Variants in PHC2 observed in about 807,000 individuals in gnomAD.
The protein encoded by PHC2 is polyhomeotic-like protein 2.
A neutral mutation model predicts 87.4 loss-of-function variants in PHC2; 29 were observed. The observed-to-expected ratio is 0.33, with a 90% CI of 0.25 to 0.45. The LOEUF is 0.45. Among genes scored for constraint, PHC2 ranks in the 20% least tolerant of loss-of-function variants. The pLI is 1.00. For missense variants in PHC2, 857 were observed against 1,136.7 expected (o/e 0.75, Z 3.54); for synonymous variants, 438 against 461.7 (o/e 0.95, Z 0.66).
chr1:33,339,843 C>G (rs1646709952), intron 9 of PHC2, among the ~76,000 whole-genome samples: 2 of 152,224 alleles, frequency 1.3e-5, no homozygotes, highest in Non-Finnish European at 2.9e-5. Flanking sequence ...ATTATACTTA[C>G]TGGTTGAGCA....
chr1:33,327,860 A>C (rs1014625148), intron 14 of PHC2, among the ~76,000 whole-genome samples: 1 of 152,260 alleles, frequency 6.6e-6, no homozygotes, highest in Non-Finnish European at 1.5e-5. Flanking sequence ...GCCTTGGCTG[A>C]TAAATCTTAA....
chr1:33,393,726 ACT>A (rs1491448946), intron 1 of PHC2, among the ~76,000 whole-genome samples: 2 of 152,252 alleles, frequency 1.3e-5, no homozygotes, highest in African/African-American at 4.8e-5. Flanking sequence ...GCAAGAATAA[ACT>A]CTACCCAGCA....
intron 9 of PHC2, among the ~76,000 whole-genome samples, chr1:33,351,034 A>G (rs573007215): frequency 1.3e-3 from 192 of 152,256 alleles, no homozygotes; most frequent in Middle Eastern, 6.8e-3. Flanking sequence ...GGTCCTACCT[A>G]TCCTTCAAGG....
chr1:33,339,601 G>A (rs1360606178), intron 9 of PHC2, among the ~76,000 whole-genome samples: 2 of 152,158 alleles, frequency 1.3e-5, no homozygotes. Flanking sequence ...AGGCAGGGAG[G>A]CTCCTAGGAC....
chr1:33,373,600 C>A (rs949718582), intron 2 of PHC2, among the ~76,000 whole-genome samples: 2 of 152,178 alleles, frequency 1.3e-5, no homozygotes, highest in Admixed American at 6.5e-5. Flanking sequence ...CAGCGAGTGC[C>A]TTTCCCCAGC....
chr1:33,350,849 T>C (rs1252476627), intron 9 of PHC2, among the ~76,000 whole-genome samples: 2 of 152,062 alleles, frequency 1.3e-5, no homozygotes, highest in Non-Finnish European at 2.9e-5. Context: ...AATATTCATA[T>C]TTCCTTCTCC....
At chr1:33,346,595 C>T (rs766707743) in intron 9 of PHC2, 4 of 985,264 alleles carry the variant, frequency 4.1e-6, no homozygotes, top group Non-Finnish European at 4.8e-6. Context: ...TGGTAAACAC[C>T]GTACTAATGA....
chr1:33,328,868 A>AC lies in PHC2; in HGVS notation c.2425+1dup. ...GAGACATGGAATTTCCAAGGGCCTT[A>AC]CCTGGCAGAGAGCGGATGAATTCGT... On this transcript the variant is annotated splice_donor_variant, in intron 14 of 14. Transcript: ENST00000683057. LOFTEE classifies it high-confidence loss of function. 1 of 1,602,270 alleles carries AC rather than the reference A, an allele frequency of 6.2e-7. No individual in the cohort carries two copies. The highest frequency in any genetic ancestry group is 8.5e-7 in the Non-Finnish European group (1 of 1,170,514).
chr1:33,336,391 C>T (rs909760589), intron 9 of PHC2, among the ~76,000 whole-genome samples: 1 of 152,158 alleles, frequency 6.6e-6, no homozygotes, highest in Non-Finnish European at 1.5e-5. Context: ...ACTCAGTCCT[C>T]CATAATTCAG....
chr1:33,402,024 C>G (rs1249761994), intron 1 of PHC2, among the ~76,000 whole-genome samples: 4 of 152,044 alleles, frequency 2.6e-5, no homozygotes, highest in African/African-American at 7.2e-5. Flanking sequence ...GGCATAATAA[C>G]AAGCCTTACA....
intron 1 of PHC2, among the ~76,000 whole-genome samples, chr1:33,390,423 G>A (rs527358745): frequency 6.6e-6 from 1 of 152,116 alleles, no homozygotes; most frequent in South Asian, 2.1e-4. Flanking sequence ...TCTACTTAAG[G>A]TGGAGAAAAA....
chr1:33,384,627 C>G (rs953083964), intron 1 of PHC2, among the ~76,000 whole-genome samples: 4 of 152,164 alleles, frequency 2.6e-5, no homozygotes, highest in African/African-American at 9.7e-5. Context: ...TTCCCTCTGC[C>G]TGGGCCACTC....
chr1:33,347,641 G>A (rs1004398195), intron 9 of PHC2: 14 of 985,342 alleles, frequency 1.4e-5, no homozygotes, highest in Non-Finnish European at 1.6e-5. Context: ...AAGTACAACA[G>A]AAAGGACTAA....
chr1:33,393,268 G>T (rs1451441695), intron 1 of PHC2, among the ~76,000 whole-genome samples: 2 of 152,122 alleles, frequency 1.3e-5, no homozygotes, highest in African/African-American at 4.8e-5. Flanking sequence ...TGTCTGGGAG[G>T]ATGCGATAGA....
At chr1:33,388,472 C>T (rs1255934879) in intron 1 of PHC2, among the ~76,000 whole-genome samples, 3 of 151,920 alleles carry the variant, frequency 2.0e-5, no homozygotes, top group South Asian at 2.1e-4. Context: ...TACAGGCATG[C>T]GCCACCACGC....
Position 33,369,540 on chromosome 1 carries a change from G to A in PHC2, c.576+881C>T, listed in dbSNP as rs1010069753. ...TCTATTTCATGCCTTGTGTCTAAGA[G>A]GCTGTTCCCTGGGGATAGAGATGCG... On this transcript the variant is annotated intron_variant, in intron 5 of 14. Transcript: ENST00000683057. The surrounding 1 kb of genome is among the most constrained non-coding windows in gnomAD (Gnocchi z 4.7). Among the ~76,000 whole-genome samples the A allele has an allele frequency of 3.3e-5, 5 of 152,300 alleles. No homozygotes were observed. Among genetic ancestry groups the A allele is most frequent in the African/African-American group, 1.2e-4 (5 of 41,570 alleles).
rs375974470 is a variant in PHC2 at position 33,331,353 on chromosome 1, T to C, written c.2001A>G (p.Ala667=). 32 of 1,587,470 alleles carry C rather than the reference T, an allele frequency of 2.0e-5. No individual in the cohort carries two copies. In the African/African-American group the frequency reaches 3.9e-4, roughly 19 times the overall value. The part of the protein sequence containing the change: ...RSKRFCSMAC[A]KRYNVGCTKR... ...AGGGGGCTGGGGCCACTCACCTCTT[T>C]GCACAAGCCATGGAACAGAAGCGCT... Residue 667 remains alanine (A), a synonymous_variant, in exon 12 of 15, where the codon GCA becomes GCG. Coordinates refer to ENST00000683057, the MANE Select transcript of PHC2 (RefSeq NM_001385109.1). This position sits in a 1 kb window ranked among gnomAD's most constrained non-coding sequence, Gnocchi z 5.2.
chr1:33,383,023 G>A (rs953267438), intron 1 of PHC2, among the ~76,000 whole-genome samples: 3 of 152,154 alleles, frequency 2.0e-5, no homozygotes, highest in Admixed American at 6.5e-5. Flanking sequence ...ATCATGAGGC[G>A]GCTTGGTATG....
intron 1 of PHC2, among the ~76,000 whole-genome samples, chr1:33,416,733 A>T (rs191017005): frequency 6.6e-6 from 1 of 152,272 alleles, no homozygotes; most frequent in East Asian, 1.9e-4. Context: ...AAGGTAAAAT[A>T]GAACTTTTCA....
Sources: allele counts gnomAD v4.1 joint callset (sites outside exome capture counted in the v4.1 genomes callset), GRCh38; gene constraint gnomAD v4.1.1; non-coding constraint Gnocchi (gnomAD v3.1); transcripts MANE v1.5; gene names NCBI Gene and HGNC (gene_info 2026-07-23, HGNC 2026-07-21).